Variants in ANKAR observed in about 807,000 individuals in gnomAD.
ANKAR encodes the protein ankyrin and armadillo repeat-containing protein.
A neutral mutation model predicts 146.2 loss-of-function variants in ANKAR; 136 were observed. The observed-to-expected ratio is 0.93, with a 90% confidence interval of 0.81 to 1.07. The LOEUF is 1.07. Among genes scored for constraint, ANKAR ranks in the 50% least tolerant of loss-of-function variants. ANKAR has a pLI of 0.00. For missense variants in ANKAR, 1,567 were observed against 1,679.9 expected, an observed-to-expected ratio of 0.93 and a Z score of 1.18; for synonymous variants, 500 against 575.8, an observed-to-expected ratio of 0.87 and a Z score of 1.88.
chr2:189,675,683 G>A (rs771918260), intron 1 of ANKAR, among the ~76,000 whole-genome samples: 1 of 152,028 alleles, frequency 6.6e-6, no homozygotes, highest in African/African-American at 2.4e-5. Context: ...GTATAGTCTT[G>A]CTTTAAAAAA....
intron 15 of ANKAR, 24 bp from the exon 16 acceptor site, chr2:189,730,471 C>A: frequency 7.0e-7 from 1 of 1,430,082 alleles, no homozygotes; most frequent in Non-Finnish European, 9.6e-7. Context: ...AAAAATATTA[C>A]CTCACTGGCG....
intron 18 of ANKAR, among the ~76,000 whole-genome samples, chr2:189,759,605 T>C (rs928310131): frequency 6.6e-6 from 1 of 152,174 alleles, no homozygotes; most frequent in African/African-American, 2.4e-5. Context: ...GGAACTTGCC[T>C]ACAGTTACAG....
chr2:189,685,542 A>C (rs550088962), intron 2 of ANKAR, among the ~76,000 whole-genome samples: 1 of 151,972 alleles, frequency 6.6e-6, no homozygotes, highest in Non-Finnish European at 1.5e-5. Context: ...CAGTAATTCC[A>C]GTGCTTCTTT....
At chr2:189,689,447 C>T in intron 2 of ANKAR, 80 bp from the exon 3 acceptor site, 5 of 1,161,058 alleles carry the variant, frequency 4.3e-6, no homozygotes, top group South Asian at 1.6e-5. Flanking sequence ...TGATAAAATC[C>T]TGTGTTCAAT....
At chr2:189,758,612 A>G (rs937333458) in intron 18 of ANKAR, among the ~76,000 whole-genome samples, 2 of 152,216 alleles carry the variant, frequency 1.3e-5, no homozygotes, top group East Asian at 3.9e-4. Context: ...CAGTGCAAGA[A>G]TGAACTAACA....
chr2:189,732,974 G>A, intron 16 of ANKAR, 133 bp from the exon 17 acceptor site: 1 of 820,892 alleles, frequency 1.2e-6, no homozygotes, highest in East Asian at 3.1e-5. Context: ...AAGATAACTG[G>A]AATCAATGGA....
At chr2:189,720,292 G>A (rs1444808179) in intron 11 of ANKAR, among the ~76,000 whole-genome samples, 2 of 151,654 alleles carry the variant, frequency 1.3e-5, no homozygotes. Context: ...TCTGTCACCA[G>A]GCTGGGGTGC....
In ANKAR at chr2:189,752,093, G is replaced by A. The variant is rs185326222; in HGVS notation, c.*584+7305G>A. ...TGGGAAGCAGAGGTTGCAGTGAGCC[G>A]AGAATGCGCCACTGCACTCTAGCCT... is the stretch of plus-strand genomic sequence containing the variant. On this transcript the variant is annotated intron_variant and NMD_transcript_variant, in intron 18 of 18. Transcript: ENST00000441800. 5.9e-5 allele frequency among the ~76,000 whole-genome samples: 9 copies of A among 151,678 alleles called. No homozygotes were observed. The East Asian group carries it at 1.2e-3, about 20-fold the overall frequency.
In ANKAR at chr2:189,732,591, G is replaced by A. The variant is rs372455480; in HGVS notation, c.3301-516G>A. Among the ~76,000 whole-genome samples the A allele has an allele frequency of 4.0e-5, 6 of 150,454 alleles. No individual in the cohort carries two copies. In the East Asian group the frequency reaches 5.9e-4, roughly 15 times the overall value. On this transcript the variant is annotated intron_variant, in intron 16 of 22. Coordinates refer to ENST00000684021, the MANE Select transcript of ANKAR (RefSeq NM_001378068.1). ...CAGGAGAATCGCTTGAACCCAGGAG[G>A]TGGAGGTTGCAGTGAGCTAAGATCA...
chr2:189,740,513 A>AT (rs1399291242), intron 19 of ANKAR, among the ~76,000 whole-genome samples: 2 of 152,246 alleles, frequency 1.3e-5, no homozygotes, highest in African/African-American at 4.8e-5. Context: ...TATAAATGAA[A>AT]TAATATTCAG....
chr2:189,736,512 G>T (rs146411505), intron 17 of ANKAR, among the ~76,000 whole-genome samples: 58,296 of 92,066 alleles, frequency 0.63, 18,062 homozygotes, highest in South Asian at 0.82. Context: ...TTGTGTGTGT[G>T]TGTGTGTGTG....
At chr2:189,691,247 G>A (rs980821501) in intron 3 of ANKAR, among the ~76,000 whole-genome samples, 4 of 152,194 alleles carry the variant, frequency 2.6e-5, no homozygotes, top group Non-Finnish European at 5.9e-5. Context: ...GTAGAGACAA[G>A]GTTTCACTAT....
chr2:189,732,831 T>A (rs2042541856), intron 16 of ANKAR, among the ~76,000 whole-genome samples: 1 of 152,166 alleles, frequency 6.6e-6, no homozygotes, highest in African/African-American at 2.4e-5. Flanking sequence ...CCTCCTTACA[T>A]GCTCTGCTCG....
chr2:189,698,535 G>T (rs927877999), intron 7 of ANKAR, among the ~76,000 whole-genome samples: 2 of 152,104 alleles, frequency 1.3e-5, no homozygotes, highest in Non-Finnish European at 2.9e-5. Flanking sequence ...AATGTTAAGA[G>T]GTTATACTTT....
intron 17 of ANKAR, 127 bp downstream of exon 17, chr2:189,733,356 C>T (rs2042579041): frequency 2.5e-6 from 2 of 808,204 alleles, no homozygotes; most frequent in Admixed American, 3.4e-5. Flanking sequence ...TGTAAAAGAT[C>T]TCTTTGTAGG....
chr2:189,752,645 C>G, intron 18 of ANKAR: 1 of 1,613,384 alleles, frequency 6.2e-7, no homozygotes, highest in Non-Finnish European at 8.5e-7. Context: ...ATGAATGATA[C>G]CACATACTTT....
chr2:189,722,284 G>A (rs943591602), intron 12 of ANKAR, among the ~76,000 whole-genome samples: 42 of 144,776 alleles, frequency 2.9e-4, no homozygotes, highest in African/African-American at 1.1e-3. Flanking sequence ...GGTTGCAGTG[G>A]GCTGAGATTG....
In ANKAR at chr2:189,728,828, A is replaced by C. The variant is rs768043156; in HGVS notation, c.3193+7A>C. Reference sequence around the variant, plus strand: ...GTGGGATCCATTTGTATTGGTTTGTATACTTATTCTCAATTTCTTAAATAT... The same window carrying C: ...GTGGGATCCATTTGTATTGGTTTGTCTACTTATTCTCAATTTCTTAAATAT... On this transcript the variant is annotated splice_region_variant and intron_variant, in intron 15 of 22. Coordinates refer to ENST00000684021, the MANE Select transcript of ANKAR (RefSeq NM_001378068.1). 6 of 1,603,448 alleles carry C rather than the reference A, an allele frequency of 3.7e-6. No homozygotes were observed. The highest frequency in any genetic ancestry group is 5.1e-6 in the Non-Finnish European group (6 of 1,173,838).
rs566634853 is a variant in ANKAR at position 189,744,541 on chromosome 2, T to G, written c.4011-201T>G. Among the ~76,000 whole-genome samples the G allele has an allele frequency of 2.9e-4, 44 of 152,266 alleles. No homozygotes were observed. The South Asian group carries it at 3.5e-3, about 12-fold the overall frequency. On this transcript the variant is annotated intron_variant, in intron 21 of 22. Coordinates refer to ENST00000684021, the MANE Select transcript of ANKAR (RefSeq NM_001378068.1). ...CAAGCAGATTTAATGTTCCAAATGTTTGGAGTAAATAAGTGAGTAAATGAG... is the reference window on the plus strand; with the variant it reads ...CAAGCAGATTTAATGTTCCAAATGTGTGGAGTAAATAAGTGAGTAAATGAG...
Sources: allele counts gnomAD v4.1 joint callset (sites outside exome capture counted in the v4.1 genomes callset), GRCh38; gene constraint gnomAD v4.1.1; transcripts MANE v1.5; gene names NCBI Gene and HGNC (gene_info 2026-07-23, HGNC 2026-07-21).